SHISA9: variants seen among roughly 807,000 people sequenced by gnomAD.
SHISA9 encodes shisa family member 9, also known as protein shisa-9.
A neutral mutation model predicts 38.0 loss-of-function variants in SHISA9; 13 were observed. The ratio of observed to expected loss-of-function variants is 0.34; its 90% CI spans 0.22 to 0.54. SHISA9 has a LOEUF of 0.54. SHISA9 is among the 20% of genes least tolerant of loss of function. The probability of loss-of-function intolerance (pLI) is 0.91; values close to 1 mark genes in which losing one functional copy is unlikely to be tolerated. For synonymous variants in SHISA9, 275 were observed against 242.0 expected (o/e 1.14, Z -1.27); for missense variants, 538 against 575.8 (o/e 0.93, Z 0.67).
chr16:13,515,766 A>G, the SHISA9 span, among the ~76,000 whole-genome samples: 1 of 152,228 alleles, frequency 6.6e-6, no homozygotes, highest in Non-Finnish European at 1.5e-5. Context: ...AAAATATATT[A>G]GTCTCTAGGG....
At chr16:13,019,939 CTTTCTTT>C (rs2072825099) in intron 2 of SHISA9, among the ~76,000 whole-genome samples, 1 of 90,592 alleles carries the variant, frequency 1.1e-5, no homozygotes, top group Admixed American at 1.2e-4. Context: ...TTCTTTCTTT[CTTTCTTT>C]CTTTCTTTCT....
intron 2 of SHISA9, among the ~76,000 whole-genome samples, chr16:13,149,796 G>T (rs2050481112): frequency 6.6e-6 from 1 of 151,400 alleles, no homozygotes; most frequent in South Asian, 2.1e-4. Context: ...GTGGTGGTGG[G>T]TGCCGGCAAT....
chr16:13,538,207 C>A, the SHISA9 span, among the ~76,000 whole-genome samples: 8 of 152,080 alleles, frequency 5.3e-5, no homozygotes, highest in African/African-American at 1.9e-4. Flanking sequence ...AAAGCTGTCC[C>A]CTCTCATGAT....
intron 2 of SHISA9, among the ~76,000 whole-genome samples, chr16:12,972,518 T>C (rs770973778): frequency 1.4e-4 from 21 of 152,212 alleles, no homozygotes; most frequent in Non-Finnish European, 2.2e-4. Context: ...GCAAGGAGTT[T>C]AGACTTTCTT....
the SHISA9 span, among the ~76,000 whole-genome samples, chr16:13,535,369 T>C: frequency 6.6e-6 from 1 of 152,216 alleles, no homozygotes; most frequent in Non-Finnish European, 1.5e-5. Flanking sequence ...TCTTGATGTC[T>C]CTGAGAGAAC....
At chr16:13,022,347 T>TC (rs2072867348) in intron 2 of SHISA9, among the ~76,000 whole-genome samples, 2 of 152,028 alleles carry the variant, frequency 1.3e-5, no homozygotes. Flanking sequence ...TTTTTTTTTT[T>TC]CGAGACAGAG....
intron 2 of SHISA9, among the ~76,000 whole-genome samples, chr16:12,968,868 TA>T (rs1186976267): frequency 5.3e-5 from 8 of 152,114 alleles, no homozygotes; most frequent in African/African-American, 1.9e-4. Flanking sequence ...ATTTTATTTA[TA>T]AAAATGGGAG....
intron 2 of SHISA9, among the ~76,000 whole-genome samples, chr16:13,100,188 A>G (rs957486647): frequency 2.0e-5 from 3 of 152,266 alleles, no homozygotes; most frequent in Non-Finnish European, 2.9e-5. Flanking sequence ...GCATTGATCT[A>G]TGGATTAGTA....
chr16:13,284,812 T>G, the SHISA9 span, among the ~76,000 whole-genome samples: 1 of 152,214 alleles, frequency 6.6e-6, no homozygotes, highest in Non-Finnish European at 1.5e-5. Flanking sequence ...TTGCGCATGC[T>G]GGACTTGAAT....
chr16:13,118,008 C>G (rs1333773944), intron 2 of SHISA9, among the ~76,000 whole-genome samples: 3 of 151,884 alleles, frequency 2.0e-5, no homozygotes, highest in Non-Finnish European at 4.4e-5. Context: ...ATGGTGAAAC[C>G]CCATCTCTAC....
At chr16:13,311,852 C>T in the SHISA9 span, among the ~76,000 whole-genome samples, 6 of 152,062 alleles carry the variant, frequency 3.9e-5, no homozygotes, top group Admixed American at 1.3e-4. Flanking sequence ...TATGTAAAAA[C>T]GAGATAGATA....
the SHISA9 span, among the ~76,000 whole-genome samples, chr16:13,495,032 T>C: frequency 6.6e-6 from 1 of 152,292 alleles, no homozygotes; most frequent in Non-Finnish European, 1.5e-5. Context: ...GACAAAGCTA[T>C]ACAGAGGAGA....
At chr16:13,417,219 T>C in the SHISA9 span, among the ~76,000 whole-genome samples, 2 of 152,186 alleles carry the variant, frequency 1.3e-5, no homozygotes, top group Admixed American at 1.3e-4. Flanking sequence ...TGATGATGTG[T>C]TGAAGGGTGG....
At chr16:13,327,301 A>G in the SHISA9 span, among the ~76,000 whole-genome samples, 1 of 152,092 alleles carries the variant, frequency 6.6e-6, no homozygotes, top group Non-Finnish European at 1.5e-5. Flanking sequence ...TGTACTTTTT[A>G]GTTAGTAGAT....
chr16:13,365,433 T>G, the SHISA9 span, among the ~76,000 whole-genome samples: 31 of 150,176 alleles, frequency 2.1e-4, no homozygotes, highest in African/African-American at 7.6e-4. Context: ...CCCTCTTAAC[T>G]CTCCTACAGA....
At chr16:13,170,597 A>G (rs577251026) in intron 2 of SHISA9, among the ~76,000 whole-genome samples, 3 of 152,340 alleles carry the variant, frequency 2.0e-5, no homozygotes, top group South Asian at 2.1e-4. Flanking sequence ...ACGTTTACCT[A>G]TGTAACTAAC....
chr16:13,023,978 A>G (rs959940542), intron 2 of SHISA9, among the ~76,000 whole-genome samples: 1 of 152,154 alleles, frequency 6.6e-6, no homozygotes, highest in Non-Finnish European at 1.5e-5. Context: ...ACCACCTACA[A>G]CTCTGGGAAC....
At chr16:13,188,772 A>C (rs1477811481) in intron 2 of SHISA9, among the ~76,000 whole-genome samples, 1 of 151,966 alleles carries the variant, frequency 6.6e-6, no homozygotes, top group Non-Finnish European at 1.5e-5. Context: ...AAATAAATGA[A>C]AGTATTAATG....
the SHISA9 span, among the ~76,000 whole-genome samples, chr16:13,437,406 T>C: frequency 6.6e-6 from 1 of 152,288 alleles, no homozygotes; most frequent in South Asian, 2.1e-4. Flanking sequence ...TTAAACATAT[T>C]AATATGCCCA....
Sources: allele counts gnomAD v4.1 joint callset (sites outside exome capture counted in the v4.1 genomes callset), GRCh38; gene constraint gnomAD v4.1.1; transcripts MANE v1.5; gene names NCBI Gene and HGNC (gene_info 2026-07-23, HGNC 2026-07-21).